Variants in EXT1 observed in about 807,000 individuals in gnomAD.
EXT1 encodes exostosin glycosyltransferase 1.
A neutral mutation model predicts 82.5 loss-of-function variants in EXT1; 20 were observed. The ratio of observed to expected loss-of-function variants is 0.24; its 90% CI spans 0.17 to 0.35. EXT1 has a LOEUF of 0.35. EXT1 is among the 10% of genes least tolerant of loss of function. The probability of loss-of-function intolerance (pLI) is 1.00; values close to 1 mark genes in which losing one functional copy is unlikely to be tolerated. For missense variants in EXT1, 757 were observed against 936.5 expected (o/e 0.81, Z 2.50); for synonymous variants, 348 against 350.8 (o/e 0.99, Z 0.09).
intron 1 of EXT1, among the ~76,000 whole-genome samples, chr8:118,000,008 CACAT>C (rs1167534543): frequency 6.6e-6 from 1 of 151,896 alleles, no homozygotes; most frequent in Non-Finnish European, 1.5e-5. Flanking sequence ...ACTTTATACA[CACAT>C]ACACACACAC....
Position 117,837,098 on chromosome 8 carries a change from G to A in EXT1, c.1056+10C>T. Reference sequence around the variant, plus strand: ...CAGCCCTATTCTGGGAAGGCTCCAGGGCCTCTTACCTGCAAAGCCTCCAGG... The same window carrying A: ...CAGCCCTATTCTGGGAAGGCTCCAGAGCCTCTTACCTGCAAAGCCTCCAGG... On this transcript the variant is annotated intron_variant, in intron 2 of 10. Transcript: ENST00000378204. The A allele has an allele frequency of 6.2e-7, 1 of 1,610,648 alleles. No homozygotes were observed.
chr8:118,020,835 C>T (rs1166465926), intron 1 of EXT1, among the ~76,000 whole-genome samples: 2 of 152,090 alleles, frequency 1.3e-5, no homozygotes, highest in Non-Finnish European at 2.9e-5. Flanking sequence ...ACAGTAATAC[C>T]CACCCTCCTT....
intron 1 of EXT1, among the ~76,000 whole-genome samples, chr8:117,960,065 G>T (rs1814669349): frequency 6.6e-6 from 1 of 152,114 alleles, no homozygotes; most frequent in Admixed American, 6.6e-5. Flanking sequence ...ACAAAAATTA[G>T]CCGGGTGTGG....
In EXT1 at chr8:117,835,361, C is replaced by T; in HGVS notation, c.1164+83G>A. On this transcript the variant is annotated intron_variant, in intron 3 of 10. Coordinates refer to ENST00000378204, the MANE Select transcript of EXT1 (RefSeq NM_000127.3). Reference sequence around the variant, plus strand: ...ATAAGATTTCTTTTATAGAGCTGACCTTTTGGATTCATCTTCTTTGAAAGT... The same window carrying T: ...ATAAGATTTCTTTTATAGAGCTGACTTTTTGGATTCATCTTCTTTGAAAGT... 4.9e-6 allele frequency: 5 copies of T among 1,023,222 alleles called. No individual in the cohort carries two copies. In the South Asian group the frequency reaches 5.2e-5, roughly 11 times the overall value. The allele number at this position is 1,023,222 out of a possible 1,614,324, so 63.4% of individuals were successfully genotyped here.
intron 1 of EXT1, among the ~76,000 whole-genome samples, chr8:118,070,135 G>A (rs1035166832): frequency 3.3e-5 from 5 of 151,856 alleles, no homozygotes; most frequent in Admixed American, 1.3e-4. Flanking sequence ...CCGATGGTGC[G>A]TTTTTACTAC....
At position 117,799,917 on chromosome 8, in the gene EXT1, C is replaced by T; in HGVS notation, c.2056-20G>A. On this transcript the variant is annotated intron_variant, in intron 10 of 10. Coordinates refer to ENST00000378204, the MANE Select transcript of EXT1 (RefSeq NM_000127.3). ...AGAAGTCTAGGGAGAAGGAGAGAAA[C>T]AAGGATAATGATGAGAGAAGTGCAA... 1 of 1,612,936 alleles carries T rather than the reference C, an allele frequency of 6.2e-7. No individual in the cohort carries two copies. Among genetic ancestry groups the T allele is most frequent in the South Asian group, 1.1e-5 (1 of 91,032 alleles).
intron 1 of EXT1, among the ~76,000 whole-genome samples, chr8:118,054,947 T>A (rs1816772520): frequency 8.4e-6 from 1 of 119,120 alleles, no homozygotes; most frequent in African/African-American, 3.3e-5. Flanking sequence ...TCCCTTACTG[T>A]ATGTATATGT....
intron 1 of EXT1, among the ~76,000 whole-genome samples, chr8:117,900,156 A>G: frequency 6.6e-6 from 1 of 152,194 alleles, no homozygotes; most frequent in Admixed American, 6.5e-5. Context: ...GTGGGAGCCC[A>G]GAGCAGAAAA....
At chr8:117,933,526 A>C (rs2129654527) in intron 1 of EXT1, among the ~76,000 whole-genome samples, 1 of 152,192 alleles carries the variant, frequency 6.6e-6, no homozygotes, top group East Asian at 1.9e-4. Context: ...GATTACAGGC[A>C]CTCTCAGATG....
intron 5 of EXT1, among the ~76,000 whole-genome samples, chr8:117,820,301 G>A (rs1246160857): frequency 3.3e-5 from 5 of 152,176 alleles, no homozygotes; most frequent in Non-Finnish European, 2.9e-5. Context: ...TTACTGGTCG[G>A]GGGACCTTGG....
intron 1 of EXT1, among the ~76,000 whole-genome samples, chr8:117,886,704 T>C (rs1025147981): frequency 6.6e-6 from 1 of 152,246 alleles, no homozygotes; most frequent in Non-Finnish European, 1.5e-5. Context: ...CCTAGATCTC[T>C]GCCATCTGCC....
At chr8:118,057,327 G>A (rs1383448529) in intron 1 of EXT1, among the ~76,000 whole-genome samples, 1 of 152,006 alleles carries the variant, frequency 6.6e-6, no homozygotes, top group African/African-American at 2.4e-5. Context: ...ATCACCTGAG[G>A]TCAGGATTTC....
chr8:118,105,288 T>C (rs1165721554), intron 1 of EXT1, among the ~76,000 whole-genome samples: 4 of 152,164 alleles, frequency 2.6e-5, no homozygotes, highest in Non-Finnish European at 5.9e-5. Context: ...TCTCCCCTTT[T>C]GCCATCCAAA....
rs1346464975 is a variant in EXT1 at position 117,795,506 on chromosome 8, A to G, written c.*4206T>C. 6.6e-6 allele frequency: 1 copy of G among 151,438 alleles called. No homozygotes were observed. Among genetic ancestry groups the G allele is most frequent in the Non-Finnish European group, 1.5e-5 (1 of 67,936 alleles). 9.4% of individuals were successfully genotyped at this position (151,438 alleles called of 1,614,324 possible). A position where few individuals can be genotyped will look rare whatever the true frequency, so the allele number is the denominator to read the frequency against. ...GCTTTTTTTTTTTTTTAAAGAAAAA[A>G]AAAAGGGGGGCCAGGCGCAGTGGCT... is the stretch of plus-strand genomic sequence containing the variant. On this transcript the variant is annotated 3_prime_UTR_variant, in exon 11 of 11. Coordinates refer to ENST00000378204, the MANE Select transcript of EXT1 (RefSeq NM_000127.3).
chr8:118,022,398 C>T lies in EXT1; in HGVS notation c.962+87687G>A, dbSNP rs372795632. Among the ~76,000 whole-genome samples the T allele has an allele frequency of 9.7e-4, 116 of 120,140 alleles. 1 individual carries two copies. The highest frequency in any genetic ancestry group is 3.5e-3 in the African/African-American group (110 of 31,448). 78.8% of individuals were successfully genotyped at this position (120,140 alleles called of 152,430 possible). A position where few individuals can be genotyped will look rare whatever the true frequency, so the allele number is the denominator to read the frequency against. ...TGTCACCCAGGCTGGAGTGCAGTGGCACGATCTCGGCTCACTGCAACCTCC... is the reference window on the plus strand; with the variant it reads ...TGTCACCCAGGCTGGAGTGCAGTGGTACGATCTCGGCTCACTGCAACCTCC... On this transcript the variant is annotated intron_variant, in intron 1 of 10. Coordinates refer to ENST00000378204, the MANE Select transcript of EXT1 (RefSeq NM_000127.3).
intron 1 of EXT1, among the ~76,000 whole-genome samples, chr8:117,968,540 T>A (rs1814869485): frequency 9.9e-5 from 2 of 20,196 alleles, no homozygotes; most frequent in Admixed American, 8.4e-4. Context: ...TTTATTTATT[T>A]ATTTATTTAT....
chr8:117,978,141 G>A (rs1815108112), intron 1 of EXT1, among the ~76,000 whole-genome samples: 1 of 152,192 alleles, frequency 6.6e-6, no homozygotes, highest in African/African-American at 2.4e-5. Context: ...GAAAGGTGTA[G>A]GTGGCATGCA....
chr8:118,082,437 C>T (rs1165994617), intron 1 of EXT1, among the ~76,000 whole-genome samples: 2 of 152,106 alleles, frequency 1.3e-5, no homozygotes, highest in Non-Finnish European at 2.9e-5. Flanking sequence ...GGCTGGAAAT[C>T]TTTTGATTTT....
At chr8:117,979,371 C>T (rs1815135854) in intron 1 of EXT1, among the ~76,000 whole-genome samples, 1 of 145,558 alleles carries the variant, frequency 6.9e-6, no homozygotes, top group African/African-American at 2.7e-5. Flanking sequence ...AACAAACAAA[C>T]AAACAAACAA....
Sources: allele counts gnomAD v4.1 joint callset (sites outside exome capture counted in the v4.1 genomes callset), GRCh38; gene constraint gnomAD v4.1.1; transcripts MANE v1.5; gene names NCBI Gene and HGNC (gene_info 2026-07-23, HGNC 2026-07-21).